BMAL1: variants seen among roughly 807,000 people sequenced by gnomAD.
The protein encoded by BMAL1 is basic helix-loop-helix ARNT like 1.
the BMAL1 span, among the ~76,000 whole-genome samples, chr11:13,374,641 T>A: frequency 1.6e-3 from 242 of 152,274 alleles, no homozygotes; most frequent in African/African-American, 5.5e-3. Context: ...GACATGCATT[T>A]CCAAAAGTCT....
the BMAL1 span, among the ~76,000 whole-genome samples, chr11:13,333,836 G>A: frequency 1.3e-5 from 2 of 152,198 alleles, no homozygotes; most frequent in Non-Finnish European, 2.9e-5. Flanking sequence ...AACAAAGGTC[G>A]GTAGGCATGG....
chr11:13,284,909 CA>C, the BMAL1 span, among the ~76,000 whole-genome samples: 1 of 152,142 alleles, frequency 6.6e-6, no homozygotes, highest in Non-Finnish European at 1.5e-5. Context: ...CTTCCCCGCT[CA>C]ACCTCCATTC....
chr11:13,292,760 G>A, the BMAL1 span, among the ~76,000 whole-genome samples: 99,052 of 151,816 alleles, frequency 0.65, 32,637 homozygotes, highest in Non-Finnish European at 0.71. Context: ...TAGTGGTCCA[G>A]GCCTAGTATT....
the BMAL1 span, chr11:13,385,610 C>G: frequency 2.0e-6 from 2 of 1,019,090 alleles, no homozygotes; most frequent in Non-Finnish European, 3.0e-6. Flanking sequence ...TCTCCCCACC[C>G]CACCCCATGC....
chr11:13,326,158 C>T, the BMAL1 span, among the ~76,000 whole-genome samples: 1 of 150,912 alleles, frequency 6.6e-6, no homozygotes. Context: ...GAGCCGATAT[C>T]ATGCCACCGC....
chr11:13,307,735 T>G, the BMAL1 span, among the ~76,000 whole-genome samples: 123 of 152,366 alleles, frequency 8.1e-4, 1 homozygote, highest in African/African-American at 2.5e-3. Context: ...AAGAGCTTCC[T>G]TTTTTGAGAA....
At chr11:13,359,031 G>C in the BMAL1 span, among the ~76,000 whole-genome samples, 1 of 152,212 alleles carries the variant, frequency 6.6e-6, no homozygotes, top group Non-Finnish European at 1.5e-5. Context: ...TGAGTCATGG[G>C]TTGTGGGTTC....
At chr11:13,294,665 T>C in the BMAL1 span, among the ~76,000 whole-genome samples, 5 of 152,332 alleles carry the variant, frequency 3.3e-5, no homozygotes, top group East Asian at 5.8e-4. Context: ...CTGAGTAACT[T>C]TCCTCCTGGA....
chr11:13,355,083 A>G, the BMAL1 span: 1 of 635,006 alleles, frequency 1.6e-6, no homozygotes, highest in Non-Finnish European at 2.8e-6. Flanking sequence ...GGCAGTGTAG[A>G]ATATTCAAAG....
the BMAL1 span, among the ~76,000 whole-genome samples, chr11:13,291,163 A>G: frequency 6.6e-6 from 1 of 152,234 alleles, no homozygotes; most frequent in Admixed American, 6.5e-5. Context: ...ATGTTCATCA[A>G]AGTCACCCTG....
At chr11:13,328,867 A>G in the BMAL1 span, among the ~76,000 whole-genome samples, 20 of 152,158 alleles carry the variant, frequency 1.3e-4, no homozygotes, top group African/African-American at 4.8e-4. Context: ...CCTGGGCAAA[A>G]CACACGCCCT....
chr11:13,370,751 T>C, the BMAL1 span, among the ~76,000 whole-genome samples: 163 of 152,322 alleles, frequency 1.1e-3, no homozygotes, highest in Non-Finnish European at 2.0e-3. Flanking sequence ...ATGATCTTTT[T>C]ATCAGTCCCC....
the BMAL1 span, among the ~76,000 whole-genome samples, chr11:13,304,155 A>G: frequency 6.6e-6 from 1 of 152,148 alleles, no homozygotes; most frequent in African/African-American, 2.4e-5. Flanking sequence ...CACGTCTCAC[A>G]GGGCTCACTC....
chr11:13,316,389 A>G, the BMAL1 span, among the ~76,000 whole-genome samples: 3 of 152,070 alleles, frequency 2.0e-5, no homozygotes, highest in Non-Finnish European at 2.9e-5. Flanking sequence ...TCCCCCTGCT[A>G]TATCTCCCTC....
the BMAL1 span, among the ~76,000 whole-genome samples, chr11:13,320,305 T>C: frequency 1.3e-5 from 2 of 152,226 alleles, no homozygotes; most frequent in South Asian, 2.1e-4. Context: ...TTACCCTTTG[T>C]TGACTTCTTA....
At chr11:13,385,682 T>C in the BMAL1 span, 1 of 1,599,856 alleles carries the variant, frequency 6.3e-7, no homozygotes, top group Non-Finnish European at 8.6e-7. Context: ...CCTCCTTTTG[T>C]TTGTAGATTT....
chr11:13,284,248 A>ATGTGTGTGTATATATATG, the BMAL1 span, among the ~76,000 whole-genome samples: 1 of 23,720 alleles, frequency 4.2e-5, no homozygotes, highest in African/African-American at 2.0e-4. Flanking sequence ...ATATATATAT[A>ATGTGTGTGTATATATATG]TATATATATA....
chr11:13,341,355 C>T, the BMAL1 span, among the ~76,000 whole-genome samples: 1 of 152,222 alleles, frequency 6.6e-6, no homozygotes, highest in African/African-American at 2.4e-5. Flanking sequence ...GCAGGCCATT[C>T]CATCCAAGAT....
chr11:13,311,274 C>G, the BMAL1 span, among the ~76,000 whole-genome samples: 1 of 152,190 alleles, frequency 6.6e-6, no homozygotes, highest in African/African-American at 2.4e-5. Context: ...GGATTAAACA[C>G]GGTCTCCCCA....
Sources: gnomAD v4.1 joint callset for allele counts (sites outside exome capture counted in the v4.1 genomes callset) on GRCh38, gnomAD v4.1.1 for gene constraint, MANE v1.5 for transcripts, NCBI Gene and HGNC (gene_info 2026-07-23, HGNC 2026-07-21) for gene names.